TTC28: variants seen among roughly 807,000 people sequenced by gnomAD.
The protein encoded by TTC28 is tetratricopeptide repeat protein 28.
Under a neutral mutation model 198.0 loss-of-function variants are expected in TTC28, and 61 were observed. That is an observed-to-expected ratio of 0.31 (90% CI 0.25 to 0.38). The LOEUF is 0.38. Among genes scored for constraint, TTC28 ranks in the 10% least tolerant of loss-of-function variants. The pLI is 1.00. For synonymous variants in TTC28, 1,171 were observed against 1,297.8 expected, an observed-to-expected ratio of 0.90 and a Z score of 2.10; for missense variants, 2,678 against 3,164.0, an observed-to-expected ratio of 0.85 and a Z score of 3.69.
At chr22:28,638,195 C>A (rs1177849938) in intron 1 of TTC28, among the ~76,000 whole-genome samples, 2 of 152,002 alleles carry the variant, frequency 1.3e-5, no homozygotes, top group Non-Finnish European at 2.9e-5. Context: ...ATACTTTAGA[C>A]CAAATGGACC....
intron 2 of TTC28, among the ~76,000 whole-genome samples, chr22:28,602,570 T>C (rs1480400225): frequency 2.0e-5 from 3 of 152,154 alleles, no homozygotes; most frequent in Non-Finnish European, 2.9e-5. Context: ...TAGAAAAGAA[T>C]TATAGGACAA....
intron 2 of TTC28, among the ~76,000 whole-genome samples, chr22:28,371,347 CAA>C (rs1354299479): frequency 1.5e-5 from 2 of 134,012 alleles, no homozygotes; most frequent in Admixed American, 7.5e-5. Context: ...CCAGTACTAC[CAA>C]AAAAAAAAAA....
chr22:28,051,324 T>C (rs12170953), intron 12 of TTC28, among the ~76,000 whole-genome samples: 10,526 of 152,244 alleles, frequency 0.069, 427 homozygotes, highest in South Asian at 0.091. Flanking sequence ...AAATTGAACT[T>C]TGGGTGAAAA....
intron 2 of TTC28, among the ~76,000 whole-genome samples, chr22:28,376,169 T>G (rs1187507340): frequency 3.9e-5 from 6 of 152,182 alleles, no homozygotes; most frequent in Admixed American, 3.9e-4. Flanking sequence ...TATCTACTAT[T>G]GGTTGTGTCT....
intron 5 of TTC28, among the ~76,000 whole-genome samples, chr22:28,204,371 A>T (rs1926220498): frequency 6.6e-6 from 1 of 152,148 alleles, no homozygotes; most frequent in African/African-American, 2.4e-5. Context: ...TCTCTGTCTA[A>T]ACGGTAATAG....
At chr22:28,651,792 G>C (rs901217931) in intron 1 of TTC28, among the ~76,000 whole-genome samples, 2 of 152,122 alleles carry the variant, frequency 1.3e-5, no homozygotes, top group African/African-American at 2.4e-5. Flanking sequence ...AGCTAACTGA[G>C]AAAATACAAA....
chr22:28,155,734 C>A (rs1346587564), intron 6 of TTC28, among the ~76,000 whole-genome samples: 1 of 152,146 alleles, frequency 6.6e-6, no homozygotes, highest in Non-Finnish European at 1.5e-5. Flanking sequence ...ACGGTATATA[C>A]AGAGAAGTAG....
chr22:28,587,283 T>C (rs1010528594), intron 2 of TTC28, among the ~76,000 whole-genome samples: 6 of 152,132 alleles, frequency 3.9e-5, no homozygotes, highest in Non-Finnish European at 4.4e-5. Context: ...TGTTTGAACA[T>C]CACTTAAACT....
At position 28,107,274 on chromosome 22, in the gene TTC28, A is replaced by G. The variant is rs963308069; in HGVS notation, c.2571T>C (p.Phe857=). The change falls in exon 7 of 23, where the codon TTT becomes TTC. Residue 857 remains phenylalanine, a synonymous_variant. Transcript: ENST00000397906. ...GCTGCAGCATGGCCAATTGCTGCTC[A>G]AAGTAGCCAATGGCTTCTTCCATCA... is the stretch of plus-strand genomic sequence containing the variant. ...MNVMEEAIGY[F]EQQLAMLQQL... is the part of the protein sequence containing the mutation. The G allele has an allele frequency of 7.7e-6, 12 of 1,551,698 alleles. No homozygotes were observed. In the African/African-American group the frequency reaches 1.4e-4, roughly 18 times the overall value.
intron 12 of TTC28, among the ~76,000 whole-genome samples, chr22:28,038,906 G>T (rs1342553063): frequency 2.0e-5 from 3 of 152,172 alleles, no homozygotes; most frequent in Admixed American, 6.5e-5. Context: ...GTAGCCAACA[G>T]ACACATGAAA....
chr22:28,361,908 C>G (rs1310016668), intron 2 of TTC28, among the ~76,000 whole-genome samples: 1 of 152,220 alleles, frequency 6.6e-6, no homozygotes, highest in Non-Finnish European at 1.5e-5. Flanking sequence ...AATGATGGCA[C>G]CTCTGTTTAC....
intron 2 of TTC28, among the ~76,000 whole-genome samples, chr22:28,548,781 G>A (rs957927675): frequency 1.3e-5 from 2 of 152,050 alleles, no homozygotes; most frequent in African/African-American, 2.4e-5. Flanking sequence ...TTTTCTCATC[G>A]GCTCATAAAC....
chr22:28,261,458 G>A (rs1022377954), intron 5 of TTC28, among the ~76,000 whole-genome samples: 5 of 152,104 alleles, frequency 3.3e-5, no homozygotes, highest in Admixed American at 6.6e-5. Flanking sequence ...AGCTCCGAAA[G>A]GTCTTGTAAG....
chr22:28,005,762 C>T lies in TTC28; in HGVS notation c.4219-4209G>A, dbSNP rs1937907618. On this transcript the variant is annotated intron_variant, in intron 14 of 22. Transcript: ENST00000397906. This position sits in a 1 kb window ranked among gnomAD's most constrained non-coding sequence, Gnocchi z 4.9. Reference sequence around the variant, plus strand: ...ACCGCTGGAAGCTGATGGCTGCTCTCCTGCCCACACTCAGGGGGCTAGCGC... The same window carrying T: ...ACCGCTGGAAGCTGATGGCTGCTCTTCTGCCCACACTCAGGGGGCTAGCGC... Among the ~76,000 whole-genome samples the T allele has an allele frequency of 6.6e-6, 1 of 152,214 alleles. No individual in the cohort carries two copies. The highest frequency in any genetic ancestry group is 1.5e-5 in the Non-Finnish European group (1 of 68,032).
At chr22:28,386,826 T>G (rs1005024282) in intron 2 of TTC28, among the ~76,000 whole-genome samples, 7 of 150,848 alleles carry the variant, frequency 4.6e-5, no homozygotes, top group African/African-American at 1.7e-4. Flanking sequence ...TTTTTTGTTT[T>G]TTTGTTTTGT....
chr22:28,148,050 C>T (rs1412033946), intron 6 of TTC28, among the ~76,000 whole-genome samples: 1 of 152,172 alleles, frequency 6.6e-6, no homozygotes, highest in African/African-American at 2.4e-5. Flanking sequence ...CAAACCTGCA[C>T]AAAAGACTTC....
At chr22:28,279,609 A>G (rs2145730361) in intron 5 of TTC28, among the ~76,000 whole-genome samples, 1 of 152,238 alleles carries the variant, frequency 6.6e-6, no homozygotes, top group Admixed American at 6.5e-5. Context: ...TTATCTTGTG[A>G]CCCACCCACC....
intron 12 of TTC28, among the ~76,000 whole-genome samples, chr22:28,061,880 CTCTTT>C (rs1940556260): frequency 2.0e-5 from 3 of 152,128 alleles, no homozygotes; most frequent in African/African-American, 7.2e-5. Flanking sequence ...TGTTTGTGTC[CTCTTT>C]TATTTTGTTG....
At chr22:28,228,369 G>A (rs1928511084) in intron 5 of TTC28, among the ~76,000 whole-genome samples, 1 of 152,150 alleles carries the variant, frequency 6.6e-6, no homozygotes, top group African/African-American at 2.4e-5. Context: ...AGTAAATTTT[G>A]TTATGTATGT....
Sources: allele counts gnomAD v4.1 joint callset (sites outside exome capture counted in the v4.1 genomes callset), GRCh38; gene constraint gnomAD v4.1.1; non-coding constraint Gnocchi (gnomAD v3.1); transcripts MANE v1.5; gene names NCBI Gene and HGNC (gene_info 2026-07-23, HGNC 2026-07-21).